LMOD2: variants seen among roughly 807,000 people sequenced by gnomAD.
The protein encoded by LMOD2 is leiomodin-2.
In LMOD2, 27 loss-of-function variants were observed where a neutral mutation model predicts 41.7. That is an observed-to-expected ratio of 0.65 (90% confidence interval 0.48 to 0.89). LMOD2 has a LOEUF of 0.89. Among genes scored for constraint, LMOD2 ranks in the 40% least tolerant of loss-of-function variants. The pLI, the probability that LMOD2 is intolerant of heterozygous loss-of-function variation, is 0.00. For missense variants in LMOD2, 624 were observed against 667.9 expected, an observed-to-expected ratio of 0.93 and a Z score of 0.72; for synonymous variants, 251 against 244.6, an observed-to-expected ratio of 1.03 and a Z score of -0.25.
chr7:123,662,737 CA>C lies in LMOD2; in HGVS notation c.1152del (p.Pro385LeufsTer26), dbSNP rs1802903237. 1.2e-5 allele frequency: 19 copies of C among 1,613,980 alleles called. No homozygotes were observed. The highest frequency in any genetic ancestry group is 1.4e-5 in the Non-Finnish European group (16 of 1,179,890). ...AGGACCAAAGTCTGGCAAAGAGGAACACCTAGCTCTTCACCTTATGTATCTC... is the reference window on the plus strand; with the variant it reads ...AGGACCAAAGTCTGGCAAAGAGGAACCCTAGCTCTTCACCTTATGTATCTC... Reference protein sequence around the residue: ...NLRTKVWQRGTPSSSPYVSPR... With the variant: ...NLRTKVWQRGXPSSSPYVSPR... On this transcript the variant is annotated frameshift_variant, in exon 2 of 3. Coordinates refer to ENST00000458573, the MANE Select transcript of LMOD2 (RefSeq NM_207163.3). LOFTEE classifies it high-confidence loss of function. This position sits in a 1 kb window ranked among gnomAD's most constrained non-coding sequence, Gnocchi z 4.0.
intron 1 of LMOD2, among the ~76,000 whole-genome samples, chr7:123,660,375 C>T (rs191451430): frequency 1.6e-4 from 24 of 151,532 alleles, no homozygotes; most frequent in Admixed American, 4.6e-4. Context: ...TCTCTCCCTC[C>T]CTGCTCCTGA....
Position 123,656,007 on chromosome 7 carries a change from C to T in LMOD2, c.44C>T (p.Ser15Phe). The change falls in exon 1 of 3, where the codon TCC becomes TTC. Residue 15 changes from serine to phenylalanine, a missense_variant. Transcript: ENST00000458573. Reference sequence around the variant, plus strand: ...CGAAGAGGACTCAGTAAATACGAATCCATCGACGAGGATGAACTCCTCGCC... The same window carrying T: ...CGAAGAGGACTCAGTAAATACGAATTCATCGACGAGGATGAACTCCTCGCC... Reference protein sequence around the residue: ...GYRRGLSKYESIDEDELLASL... With the variant: ...GYRRGLSKYEFIDEDELLASL... 6.2e-7 allele frequency: 1 copy of T among 1,609,308 alleles called. No individual in the cohort carries two copies. The highest frequency in any genetic ancestry group is 8.5e-7 in the Non-Finnish European group (1 of 1,178,028).
intron 1 of LMOD2, among the ~76,000 whole-genome samples, chr7:123,659,487 A>G (rs972662832): frequency 6.6e-6 from 1 of 152,144 alleles, no homozygotes; most frequent in Non-Finnish European, 1.5e-5. Context: ...AACTATCTAG[A>G]TTTCATGACT....
At chr7:123,656,553 T>A (rs1802790870) in intron 1 of LMOD2, among the ~76,000 whole-genome samples, 1 of 152,206 alleles carries the variant, frequency 6.6e-6, no homozygotes, top group Non-Finnish European at 1.5e-5. Flanking sequence ...GAGCTATATG[T>A]TGGTAATGTG....
intron 1 of LMOD2, 30 bp from the exon 2 acceptor site, chr7:123,661,830 G>T (rs1287142946): frequency 8.0e-6 from 11 of 1,370,708 alleles, no homozygotes; most frequent in Non-Finnish European, 1.1e-5. Context: ...TCATTTTTAA[G>T]AAGCTTAATG....
chr7:123,660,195 T>C (rs961108217), intron 1 of LMOD2, among the ~76,000 whole-genome samples: 5 of 152,082 alleles, frequency 3.3e-5, no homozygotes, highest in African/African-American at 9.7e-5. Context: ...TTCCCTCACG[T>C]ATGCCTGGAG....
In LMOD2 at chr7:123,656,175, C is replaced by T; in HGVS notation, c.212C>T (p.Ala71Val). The change falls in exon 1 of 3, where the codon GCC (alanine) becomes GTC (valine). Residue 71 changes from alanine to valine, a missense_variant. Ala to Val is a moderately conservative substitution (Grantham distance 64, BLOSUM62 0). Coordinates refer to ENST00000458573, the MANE Select transcript of LMOD2 (RefSeq NM_207163.3). ...ACATTCAGCAGAGAGGCACTGATGG[C>T]CTATTGGGAAAAGGAGTCCCAAAAA... The part of the protein sequence containing the change: ...TGTFSREALM[A>V]YWEKESQKLL... 6.2e-7 allele frequency: 1 copy of T among 1,609,998 alleles called. No homozygotes were observed. Among genetic ancestry groups the T allele is most frequent in the East Asian group, 2.2e-5 (1 of 44,748 alleles).
At chr7:123,663,362 G>A in intron 2 of LMOD2, 159 bp downstream of exon 2, 1 of 904,948 alleles carries the variant, frequency 1.1e-6, no homozygotes, top group Non-Finnish European at 1.6e-6. Flanking sequence ...TTAGGAGCAG[G>A]CACACAAGTG....
chr7:123,656,206 G>C lies in LMOD2; in HGVS notation c.243G>C (p.Leu81Phe). Residue 81 changes from leucine (L) to phenylalanine (F), a missense_variant, in exon 1 of 3, where the codon TTG (leucine) becomes TTC (phenylalanine). Coordinates refer to ENST00000458573, the MANE Select transcript of LMOD2 (RefSeq NM_207163.3). ...GGGAAAAGGAGTCCCAAAAACTCTT[G>C]GAGAAGGAGAGGCTGGGGGAATGTG... is the stretch of plus-strand genomic sequence containing the variant. ...AYWEKESQKL[L>F]EKERLGECGK... 1 of 1,609,324 alleles carries C rather than the reference G, an allele frequency of 6.2e-7. No individual in the cohort carries two copies. Among genetic ancestry groups the C allele is most frequent in the Non-Finnish European group, 8.5e-7 (1 of 1,178,096 alleles).
chr7:123,656,269 C>G (rs762941950), intron 1 of LMOD2, 33 bp downstream of exon 1: 4 of 1,567,894 alleles, frequency 2.6e-6, no homozygotes, highest in Non-Finnish European at 3.5e-6. Flanking sequence ...TGGCTAACCC[C>G]ACCTCCCCAT....
chr7:123,660,170 GGA>G (rs1802850210), intron 1 of LMOD2, among the ~76,000 whole-genome samples: 1 of 152,070 alleles, frequency 6.6e-6, no homozygotes, highest in Non-Finnish European at 1.5e-5. Flanking sequence ...TGCTGGACAG[GGA>G]AGGCTTCCTC....
intron 1 of LMOD2, among the ~76,000 whole-genome samples, chr7:123,658,744 G>A (rs182845860): frequency 5.0e-4 from 76 of 152,314 alleles, no homozygotes; most frequent in African/African-American, 1.7e-3. Context: ...GTACATAGAA[G>A]TGAAAATTAA....
chr7:123,661,823 T>C, intron 1 of LMOD2, 37 bp from the exon 2 acceptor site: 1 of 1,350,238 alleles, frequency 7.4e-7, no homozygotes, highest in Non-Finnish European at 9.9e-7. Flanking sequence ...AATGGTATCA[T>C]TTTTAAGAAG....
chr7:123,662,998 G>A lies in LMOD2; in HGVS notation c.1412G>A (p.Arg471Gln), dbSNP rs61745020. Residue 471 changes from arginine (R) to glutamine (Q), a missense_variant, in exon 2 of 3, where the codon CGG becomes CAG. Transcript: ENST00000458573. The surrounding 1 kb of genome is among the most constrained non-coding windows in gnomAD (Gnocchi z 4.0). Reference protein sequence around the residue: ...EVIKQQESAQRALQNGQKKKK... With the variant: ...EVIKQQESAQQALQNGQKKKK... Reference sequence around the variant, plus strand: ...ATCAAACAACAGGAGAGTGCCCAACGGGCATTACAAAATGGACAAAAAAAG... The same window carrying A: ...ATCAAACAACAGGAGAGTGCCCAACAGGCATTACAAAATGGACAAAAAAAG... The A allele has an allele frequency of 8.9e-4, 1,389 of 1,552,512 alleles. 6 individuals are homozygous for A. The highest frequency in any genetic ancestry group is 8.3e-3 in the Middle Eastern group (50 of 6,000).
intron 1 of LMOD2, among the ~76,000 whole-genome samples, chr7:123,659,210 T>C (rs1243311802): frequency 1.4e-4 from 21 of 152,336 alleles, no homozygotes; most frequent in Non-Finnish European, 2.6e-4. Context: ...CTTCTCCTTG[T>C]CCAGTCCCTT....
At chr7:123,663,510 T>A (rs1802925548) in intron 2 of LMOD2, 2 of 605,508 alleles carry the variant, frequency 3.3e-6, no homozygotes, top group Non-Finnish European at 2.9e-6. Flanking sequence ...CCAAAAGGAT[T>A]CACCACTTGT....
At chr7:123,658,520 C>A (rs1055985184) in intron 1 of LMOD2, among the ~76,000 whole-genome samples, 4 of 152,224 alleles carry the variant, frequency 2.6e-5, no homozygotes, top group Non-Finnish European at 5.9e-5. Context: ...TGAATGCCAG[C>A]CTTTCTGCCC....
chr7:123,663,169 C>T lies in LMOD2; in HGVS notation c.1583C>T (p.Ala528Val), dbSNP rs201581936. ...TCAGCTCATGAGAATCTCATGGAAG[C>T]AATTCGGGGAAGCAGCATAAAACAG... is the stretch of plus-strand genomic sequence containing the variant. ...QRSAHENLME[A>V]IRGSSIKQLK... The change falls in exon 2 of 3, where the codon GCA (alanine) becomes GTA (valine). Residue 528 changes from alanine to valine, a missense_variant. Ala to Val is a moderately conservative substitution (Grantham distance 64, BLOSUM62 0). Coordinates refer to ENST00000458573, the MANE Select transcript of LMOD2 (RefSeq NM_207163.3). 2.1e-5 allele frequency: 33 copies of T among 1,570,028 alleles called. No homozygotes were observed. Among genetic ancestry groups the T allele is most frequent in the Non-Finnish European group, 2.5e-5 (29 of 1,157,442 alleles).
At chr7:123,658,746 G>A (rs1301990942) in intron 1 of LMOD2, among the ~76,000 whole-genome samples, 1 of 152,200 alleles carries the variant, frequency 6.6e-6, no homozygotes, top group Non-Finnish European at 1.5e-5. Flanking sequence ...ACATAGAAGT[G>A]AAAATTAAAG....
Sources: allele counts gnomAD v4.1 joint callset (sites outside exome capture counted in the v4.1 genomes callset), GRCh38; gene constraint gnomAD v4.1.1; non-coding constraint Gnocchi (gnomAD v3.1); transcripts MANE v1.5; gene names NCBI Gene and HGNC (gene_info 2026-07-23, HGNC 2026-07-21).